FGGY: variants seen among roughly 807,000 people sequenced by gnomAD.
FGGY encodes the protein FGGY carbohydrate kinase domain-containing protein.
FGGY carries 72 observed loss-of-function variants against 71.3 expected under a neutral mutation model. That is an observed-to-expected ratio of 1.01 (90% CI 0.84 to 1.23). The LOEUF is 1.23. FGGY is among the 50% of genes most tolerant of loss of function. The pLI is 0.00. For missense variants in FGGY, 668 were observed against 682.3 expected (o/e 0.98, Z 0.23); for synonymous variants, 251 against 250.3 (o/e 1.00, Z -0.02).
chr1:59,698,109 T>C (rs1439628973), intron 14 of FGGY, among the ~76,000 whole-genome samples: 1 of 152,230 alleles, frequency 6.6e-6, no homozygotes, highest in African/African-American at 2.4e-5. Context: ...TACTTTTCCC[T>C]GTCCCATTGG....
chr1:59,373,578 A>G (rs201728943), intron 4 of FGGY, among the ~76,000 whole-genome samples: 4,761 of 152,232 alleles, frequency 0.031, 97 homozygotes, highest in East Asian at 0.058. Flanking sequence ...TATGGAACCA[A>G]AAAAGAGCCC....
At chr1:59,480,038 A>C (rs905940407) in intron 6 of FGGY, among the ~76,000 whole-genome samples, 1 of 152,140 alleles carries the variant, frequency 6.6e-6, no homozygotes, top group Non-Finnish European at 1.5e-5. Flanking sequence ...TCAAAATGCT[A>C]CCTAGCCTGT....
chr1:59,687,053 G>T (rs1165826023), intron 14 of FGGY, among the ~76,000 whole-genome samples: 1 of 152,184 alleles, frequency 6.6e-6, no homozygotes, highest in South Asian at 2.1e-4. Flanking sequence ...GGCTGGGCTG[G>T]TCCTTTGCCT....
intron 8 of FGGY, among the ~76,000 whole-genome samples, chr1:59,590,071 A>C (rs532001719): frequency 3.3e-5 from 5 of 152,302 alleles, no homozygotes; most frequent in African/African-American, 1.2e-4. Flanking sequence ...AGAGAGAAGA[A>C]TCAAATAGAC....
intron 4 of FGGY, among the ~76,000 whole-genome samples, chr1:59,363,335 G>T (rs1429964827): frequency 1.3e-5 from 2 of 152,216 alleles, no homozygotes; most frequent in Non-Finnish European, 2.9e-5. Flanking sequence ...GAAGGATGTA[G>T]TGAAAGTGAC....
intron 14 of FGGY, among the ~76,000 whole-genome samples, chr1:59,679,691 A>G (rs56803335): frequency 0.039 from 6,008 of 152,192 alleles, 185 homozygotes; most frequent in African/African-American, 0.089. Context: ...AAATCATTTT[A>G]TACTTTTAAA....
chr1:59,618,004 C>A (rs1572172671), intron 9 of FGGY, among the ~76,000 whole-genome samples: 1 of 152,170 alleles, frequency 6.6e-6, no homozygotes, highest in East Asian at 1.9e-4. Flanking sequence ...TTGCAGTGTG[C>A]ACAGTGTAGT....
At chr1:59,535,609 G>A (rs1326729525) in intron 7 of FGGY, among the ~76,000 whole-genome samples, 2 of 151,554 alleles carry the variant, frequency 1.3e-5, no homozygotes, top group African/African-American at 2.4e-5. Context: ...AAATGTAAAA[G>A]AACAGAAATT....
chr1:59,446,642 C>T (rs1161895012), intron 5 of FGGY, among the ~76,000 whole-genome samples: 1 of 152,146 alleles, frequency 6.6e-6, no homozygotes, highest in Non-Finnish European at 1.5e-5. Context: ...GCTGGTAATT[C>T]AGTCTGTTGC....
intron 14 of FGGY, among the ~76,000 whole-genome samples, chr1:59,734,504 C>T (rs945649630): frequency 3.9e-5 from 6 of 152,170 alleles, no homozygotes; most frequent in South Asian, 2.1e-4. Flanking sequence ...TGTCATTTTT[C>T]GTCCTTCCGT....
At chr1:59,422,311 C>T (rs1371968167) in intron 5 of FGGY, among the ~76,000 whole-genome samples, 1 of 152,164 alleles carries the variant, frequency 6.6e-6, no homozygotes, top group Non-Finnish European at 1.5e-5. Flanking sequence ...TGCTCAGGAG[C>T]AGATTGAGGT....
chr1:59,746,512 G>T (rs1255744841), intron 14 of FGGY, among the ~76,000 whole-genome samples: 1 of 151,994 alleles, frequency 6.6e-6, no homozygotes, highest in African/African-American at 2.4e-5. Flanking sequence ...TTTTGAGACA[G>T]CATCTTACTG....
chr1:59,451,827 T>C (rs74084839), intron 5 of FGGY, among the ~76,000 whole-genome samples: 6,462 of 152,262 alleles, frequency 0.042, 467 homozygotes, highest in African/African-American at 0.15. Context: ...ATTATTCTAG[T>C]GTCTTCTACA....
At chr1:59,326,298 T>G (rs17480463) in intron 2 of FGGY, among the ~76,000 whole-genome samples, 16,629 of 152,202 alleles carry the variant, frequency 0.11, 946 homozygotes, top group Middle Eastern at 0.12. Flanking sequence ...ACAACACATA[T>G]GAAGCCAGTA....
At chr1:59,534,884 A>G (rs1293027172) in intron 7 of FGGY, among the ~76,000 whole-genome samples, 4 of 152,188 alleles carry the variant, frequency 2.6e-5, no homozygotes, top group African/African-American at 7.2e-5. Flanking sequence ...ATCATGCCAA[A>G]ATGTAAAGAC....
At chr1:59,353,233 T>C (rs1275290833) in intron 4 of FGGY, among the ~76,000 whole-genome samples, 1 of 152,178 alleles carries the variant, frequency 6.6e-6, no homozygotes, top group Non-Finnish European at 1.5e-5. Context: ...ATTTGTAAAG[T>C]GGCTTATATA....
chr1:59,694,287 T>TTAAATAAATAAATAAA (rs10590302), intron 14 of FGGY, among the ~76,000 whole-genome samples: 11 of 143,752 alleles, frequency 7.7e-5, no homozygotes, highest in South Asian at 2.2e-4. Context: ...AGACTCCGTC[T>TTAAATAAATAAATAAA]TAAATAAATA....
intron 5 of FGGY, among the ~76,000 whole-genome samples, chr1:59,434,765 G>A (rs1246036958): frequency 1.3e-5 from 2 of 151,680 alleles, no homozygotes; most frequent in Non-Finnish European, 2.9e-5. Flanking sequence ...ACTTCTTCAT[G>A]ACCTAATCAC....
At chr1:59,541,660 T>G (rs1481163801) in intron 7 of FGGY, among the ~76,000 whole-genome samples, 2 of 152,082 alleles carry the variant, frequency 1.3e-5, no homozygotes, top group Non-Finnish European at 2.9e-5. Context: ...AATACAGAAT[T>G]TAATAGGAGA....
Sources: gnomAD v4.1 joint callset for allele counts (sites outside exome capture counted in the v4.1 genomes callset) on GRCh38, gnomAD v4.1.1 for gene constraint, MANE v1.5 for transcripts, NCBI Gene and HGNC (gene_info 2026-07-23, HGNC 2026-07-21) for gene names.